Variants in GHR observed in about 807,000 individuals in gnomAD.
GHR encodes the protein growth hormone receptor, also known as GH receptor.
Under a neutral mutation model 67.1 loss-of-function variants are expected in GHR, and 35 were observed. The ratio of observed to expected loss-of-function variants is 0.52; its 90% CI spans 0.40 to 0.69. The LOEUF is 0.69. GHR is among the 30% of genes least tolerant of loss of function. The pLI, the probability that GHR is intolerant of heterozygous loss-of-function variation, is 0.00. For missense variants in GHR, 792 were observed against 764.6 expected, an observed-to-expected ratio of 1.04 and a Z score of -0.42; for synonymous variants, 272 against 269.1, an observed-to-expected ratio of 1.01 and a Z score of -0.10.
intron 4 of GHR, among the ~76,000 whole-genome samples, chr5:42,693,003 ATTTT>A (rs1757492668): frequency 6.6e-6 from 1 of 151,928 alleles, no homozygotes; most frequent in Non-Finnish European, 1.5e-5. Context: ...CCTATTCCTA[ATTTT>A]TTTAACATTT....
At chr5:42,652,643 G>A (rs1013148928) in intron 3 of GHR, among the ~76,000 whole-genome samples, 1 of 152,134 alleles carries the variant, frequency 6.6e-6, no homozygotes, top group Non-Finnish European at 1.5e-5. Context: ...TATCAAGATA[G>A]TATTTATATT....
chr5:42,486,230 T>A (rs761912216), intron 1 of GHR, among the ~76,000 whole-genome samples: 4 of 152,204 alleles, frequency 2.6e-5, no homozygotes, highest in Non-Finnish European at 4.4e-5. Flanking sequence ...ATCCTTCCTC[T>A]CCTTCTATGA....
chr5:42,443,830 T>C (rs1743686729), intron 1 of GHR, among the ~76,000 whole-genome samples: 1 of 152,110 alleles, frequency 6.6e-6, no homozygotes, highest in African/African-American at 2.4e-5. Context: ...GGCAGTTTAC[T>C]TTACTCAGAG....
chr5:42,501,489 T>TA (rs1241341075), intron 1 of GHR, among the ~76,000 whole-genome samples: 5 of 152,204 alleles, frequency 3.3e-5, no homozygotes, highest in Non-Finnish European at 7.3e-5. Context: ...TTGGCCCAGC[T>TA]ACCTCCAATC....
rs1330650414 is a variant in GHR at position 42,505,345 on chromosome 5, A to T, written c.-11-60519A>T. ...TGCGCATTTTGCTGCTTAAGTGTTTATTTTTTTTTTGCTTTTACAAGTAAT... is the reference window on the plus strand; with the variant it reads ...TGCGCATTTTGCTGCTTAAGTGTTTTTTTTTTTTTTGCTTTTACAAGTAAT... On this transcript the variant is annotated intron_variant, in intron 1 of 9. Coordinates refer to ENST00000230882, the MANE Select transcript of GHR (RefSeq NM_000163.5). Among the ~76,000 whole-genome samples the T allele has an allele frequency of 5.6e-4, 81 of 143,722 alleles. 1 individual carries two copies. Among genetic ancestry groups the T allele is most frequent in the South Asian group, 2.2e-4 (1 of 4,490 alleles). The allele number at this position is 143,722 out of a possible 152,430, so 94.3% of individuals were successfully genotyped here.
chr5:42,552,986 T>C (rs1472955276), intron 1 of GHR, among the ~76,000 whole-genome samples: 1 of 152,194 alleles, frequency 6.6e-6, no homozygotes, highest in Non-Finnish European at 1.5e-5. Flanking sequence ...ATGAATAAAA[T>C]TGCTAGACAT....
chr5:42,542,111 G>C (rs1369949525), intron 1 of GHR, among the ~76,000 whole-genome samples: 3 of 152,060 alleles, frequency 2.0e-5, no homozygotes, highest in Non-Finnish European at 1.5e-5. Context: ...AAAGAGGAGA[G>C]GAGGATAATT....
intron 1 of GHR, among the ~76,000 whole-genome samples, chr5:42,442,927 A>C (rs1016549852): frequency 4.7e-4 from 71 of 152,320 alleles, no homozygotes; most frequent in African/African-American, 1.6e-3. Context: ...AAAGGGAGCA[A>C]GTAAAGTCTT....
chr5:42,449,230 T>C (rs534706156), intron 1 of GHR, among the ~76,000 whole-genome samples: 2 of 152,248 alleles, frequency 1.3e-5, no homozygotes, highest in East Asian at 1.9e-4. Flanking sequence ...TGGCAGTATG[T>C]TCATTTTCAC....
chr5:42,609,893 T>C (rs1752808174), intron 2 of GHR, among the ~76,000 whole-genome samples: 1 of 152,146 alleles, frequency 6.6e-6, no homozygotes, highest in Admixed American at 6.5e-5. Flanking sequence ...AATGGTCCAG[T>C]GACTAAGAAA....
chr5:42,439,113 A>G (rs1016280543), intron 1 of GHR, among the ~76,000 whole-genome samples: 1 of 152,252 alleles, frequency 6.6e-6, no homozygotes, highest in African/African-American at 2.4e-5. Flanking sequence ...TCCAAAAAAC[A>G]TCATAGTTAC....
chr5:42,646,819 TGCC>T (rs933374127), intron 3 of GHR, among the ~76,000 whole-genome samples: 2 of 152,136 alleles, frequency 1.3e-5, no homozygotes, highest in African/African-American at 4.8e-5. Flanking sequence ...CCCATTACCT[TGCC>T]CACCCTAGAT....
rs761015692 is a variant in GHR at position 42,629,094 on chromosome 5, C to G, written c.127C>G (p.Leu43Val). 7.4e-7 allele frequency: 1 copy of G among 1,356,684 alleles called. No individual in the cohort carries two copies. Among genetic ancestry groups the G allele is most frequent in the South Asian group, 1.2e-5 (1 of 81,784 alleles). 84.0% of individuals were successfully genotyped at this position (1,356,684 alleles called of 1,614,324 possible). A position where few individuals can be genotyped will look rare whatever the true frequency, so the allele number is the denominator to read the frequency against. Reference sequence around the variant, plus strand: ...GAGTCTGCAAAGTGTTAATCCAGGCCTAAAGACAAGTAAGAATTTCAGTCC... The same window carrying G: ...GAGTCTGCAAAGTGTTAATCCAGGCGTAAAGACAAGTAAGAATTTCAGTCC... ...PWSLQSVNPG[L>V]KTNSSKEPKF... Residue 43 changes from leucine (L) to valine (V), a missense_variant, in exon 3 of 10, where the codon CTA becomes GTA. Transcript: ENST00000230882.
At position 42,523,153 on chromosome 5, in the gene GHR, G is replaced by A. The variant is rs1747549641; in HGVS notation, c.-11-42711G>A. Among the ~76,000 whole-genome samples the A allele has an allele frequency of 2.0e-5, 3 of 152,170 alleles. No individual in the cohort carries two copies. In the South Asian group the frequency reaches 6.2e-4, roughly 32 times the overall value. On this transcript the variant is annotated intron_variant, in intron 1 of 9. Transcript: ENST00000230882. Reference sequence around the variant, plus strand: ...TTTCATTTAGAAAGCAAATTAAGTGGAATAATTCAACTGAGTTTCACTGCA... The same window carrying A: ...TTTCATTTAGAAAGCAAATTAAGTGAAATAATTCAACTGAGTTTCACTGCA...
At chr5:42,604,416 G>T (rs905596559) in intron 2 of GHR, among the ~76,000 whole-genome samples, 3 of 152,200 alleles carry the variant, frequency 2.0e-5, no homozygotes, top group Non-Finnish European at 4.4e-5. Context: ...AGGGAATGGG[G>T]CAGGACCTTT....
chr5:42,588,524 C>A, intron 2 of GHR, among the ~76,000 whole-genome samples: 3 of 15,394 alleles, frequency 1.9e-4, no homozygotes, highest in Admixed American at 1.0e-3. Context: ...GAAACTCCAT[C>A]TCAAAAAAAA....
At chr5:42,713,637 C>T in intron 8 of GHR, 118 bp downstream of exon 8, 1 of 698,298 alleles carries the variant, frequency 1.4e-6, no homozygotes, top group Non-Finnish European at 2.6e-6. Flanking sequence ...TTTAGTTAAC[C>T]TAGTACACTT....
chr5:42,545,968 T>G (rs536873398), intron 1 of GHR, among the ~76,000 whole-genome samples: 2 of 152,312 alleles, frequency 1.3e-5, no homozygotes, highest in South Asian at 4.1e-4. Context: ...CAAATAAAAC[T>G]ATTCGTAAGT....
chr5:42,535,419 T>C (rs548335352), intron 1 of GHR, among the ~76,000 whole-genome samples: 2 of 152,290 alleles, frequency 1.3e-5, no homozygotes, highest in African/African-American at 4.8e-5. Context: ...AAGGTGTCCT[T>C]TCCCCACTTT....
Sources: allele counts gnomAD v4.1 joint callset (sites outside exome capture counted in the v4.1 genomes callset), GRCh38; gene constraint gnomAD v4.1.1; transcripts MANE v1.5; gene names NCBI Gene and HGNC (gene_info 2026-07-23, HGNC 2026-07-21).